Variants in LRP1B observed in about 807,000 individuals in gnomAD.
LRP1B encodes the protein LDL receptor related protein 1B, also known as low-density lipoprotein receptor-related protein 1B.
A neutral mutation model predicts 556.6 loss-of-function variants in LRP1B; 217 were observed. The observed-to-expected ratio is 0.39, with a 90% CI of 0.35 to 0.44. The LOEUF (loss-of-function observed/expected upper bound fraction) is 0.44. Among genes scored for constraint, LRP1B ranks in the 20% least tolerant of loss-of-function variants. The pLI is 1.00. For synonymous variants in LRP1B, 2,047 were observed against 1,865.8 expected, an observed-to-expected ratio of 1.10 and a Z score of -2.50; for missense variants, 5,053 against 5,620.8, an observed-to-expected ratio of 0.90 and a Z score of 3.23.
intron 41 of LRP1B, among the ~76,000 whole-genome samples, chr2:140,679,198 G>C (rs559058457): frequency 2.0e-5 from 3 of 152,284 alleles, no homozygotes; most frequent in East Asian, 3.9e-4. Flanking sequence ...TATTAGATTA[G>C]AGTCCACCCA....
intron 7 of LRP1B, among the ~76,000 whole-genome samples, chr2:141,102,382 A>T (rs1366293531): frequency 6.6e-6 from 1 of 152,132 alleles, no homozygotes; most frequent in Non-Finnish European, 1.5e-5. Flanking sequence ...TTTCGAGGTT[A>T]ACCCTCATTG....
At chr2:140,486,634 T>C (rs1384665756) in intron 58 of LRP1B, among the ~76,000 whole-genome samples, 2 of 151,868 alleles carry the variant, frequency 1.3e-5, no homozygotes, top group African/African-American at 4.8e-5. Flanking sequence ...TGTATTGTAA[T>C]GAAATATATG....
chr2:141,303,502 A>T (rs1457234157), intron 3 of LRP1B, among the ~76,000 whole-genome samples: 1 of 152,122 alleles, frequency 6.6e-6, no homozygotes, highest in Non-Finnish European at 1.5e-5. Flanking sequence ...TGAAATAAAA[A>T]TTTTTAGCTT....
intron 2 of LRP1B, among the ~76,000 whole-genome samples, chr2:141,632,261 T>C (rs1193941311): frequency 6.6e-6 from 1 of 152,196 alleles, no homozygotes; most frequent in Non-Finnish European, 1.5e-5. Flanking sequence ...ATTTATCTAA[T>C]GTTTATAAAG....
chr2:141,101,705 G>C (rs1700466730), intron 7 of LRP1B, among the ~76,000 whole-genome samples: 1 of 152,022 alleles, frequency 6.6e-6, no homozygotes, highest in South Asian at 2.1e-4. Flanking sequence ...GCCTTTTTCA[G>C]GATCTTCATT....
Position 140,323,970 on chromosome 2 carries a change from C to G in LRP1B, c.12437G>C (p.Gly4146Ala), listed in dbSNP as rs1291313629. The change falls in exon 81 of 91, where the codon GGT (glycine) becomes GCT (alanine). Residue 4146 changes from glycine (G) to alanine (A), a missense_variant. Gly to Ala is a moderately conservative substitution (Grantham distance 60). This residue lies in a region of LRP1B where 551 missense variants were observed against 592.0 expected (regional missense o/e 0.93). Coordinates refer to ENST00000389484, the MANE Select transcript of LRP1B (RefSeq NM_018557.3). ...ATTTAAAGCTAAGTACTCTACTGAA[C>G]CATGGCCAAATTTTTGAACTCGAAA... ...GVFRVQKFGH[G>A]SVEYLALNID... is the part of the protein sequence containing the mutation. The G allele has an allele frequency of 6.2e-7, 1 of 1,605,942 alleles. No individual in the cohort carries two copies. The highest frequency in any genetic ancestry group is 8.5e-7 in the Non-Finnish European group (1 of 1,173,194).
chr2:142,008,143 T>C (rs764550906), intron 1 of LRP1B, among the ~76,000 whole-genome samples: 1 of 152,204 alleles, frequency 6.6e-6, no homozygotes, highest in Non-Finnish European at 1.5e-5. Context: ...TAAAGGTCCT[T>C]GTTAGGCTAC....
intron 1 of LRP1B, among the ~76,000 whole-genome samples, chr2:141,960,378 T>A (rs746098409): frequency 5.9e-5 from 9 of 151,886 alleles, no homozygotes; most frequent in Non-Finnish European, 1.2e-4. Context: ...CCATTTTGCT[T>A]TCACTTTGCT....
At chr2:141,001,362 G>T (rs1390156056) in intron 15 of LRP1B, among the ~76,000 whole-genome samples, 1 of 151,780 alleles carries the variant, frequency 6.6e-6, no homozygotes, top group Non-Finnish European at 1.5e-5. Context: ...GGGTACATGT[G>T]CACAACGTGC....
intron 29 of LRP1B, among the ~76,000 whole-genome samples, 188 bp from the exon 30 acceptor site, chr2:140,841,280 A>C (rs1210010226): frequency 1.3e-5 from 2 of 152,198 alleles, no homozygotes; most frequent in Non-Finnish European, 2.9e-5. Flanking sequence ...TTAATGTCTT[A>C]CTGCTGAGCT....
chr2:141,924,226 A>C (rs1340954577), intron 1 of LRP1B, among the ~76,000 whole-genome samples: 1 of 151,962 alleles, frequency 6.6e-6, no homozygotes, highest in Admixed American at 6.6e-5. Flanking sequence ...TAGCAGGGAA[A>C]GAGAGAAGAG....
At chr2:141,921,510 CA>C (rs1190524811) in intron 1 of LRP1B, among the ~76,000 whole-genome samples, 1 of 151,850 alleles carries the variant, frequency 6.6e-6, no homozygotes, top group Admixed American at 6.6e-5. Context: ...ATGAAAAAGA[CA>C]ATCTCTATGG....
chr2:141,761,327 GC>G (rs1448446384), intron 2 of LRP1B, among the ~76,000 whole-genome samples: 5 of 147,828 alleles, frequency 3.4e-5, no homozygotes, highest in African/African-American at 1.2e-4. Flanking sequence ...TTTATTTAAT[GC>G]CTCAGGAATT....
chr2:140,636,228 T>G (rs1684066355), intron 41 of LRP1B, among the ~76,000 whole-genome samples: 1 of 152,160 alleles, frequency 6.6e-6, no homozygotes, highest in Non-Finnish European at 1.5e-5. Flanking sequence ...TATTGATTCT[T>G]GTATAAAGCT....
At chr2:140,405,170 T>C (rs1684676816) in intron 66 of LRP1B, among the ~76,000 whole-genome samples, 1 of 152,144 alleles carries the variant, frequency 6.6e-6, no homozygotes, top group African/African-American at 2.4e-5. Context: ...AGATGAATGA[T>C]AATAGTGACA....
At chr2:141,573,864 C>T (rs1686630117) in intron 2 of LRP1B, among the ~76,000 whole-genome samples, 1 of 152,106 alleles carries the variant, frequency 6.6e-6, no homozygotes, top group African/African-American at 2.4e-5. Context: ...GGATGAATTG[C>T]TGGACAAATA....
chr2:141,654,971 A>G (rs1689947622), intron 2 of LRP1B, among the ~76,000 whole-genome samples: 1 of 152,008 alleles, frequency 6.6e-6, no homozygotes, highest in Non-Finnish European at 1.5e-5. Context: ...GGATTTTATT[A>G]CTCTGTAGTT....
At chr2:140,766,845 T>TATATATATATATATATATA (rs1689132423) in intron 35 of LRP1B, among the ~76,000 whole-genome samples, 1 of 42,070 alleles carries the variant, frequency 2.4e-5, no homozygotes, top group Non-Finnish European at 4.6e-5. Flanking sequence ...ATATATATAT[T>TATATATATATATATATATA]ATATATATAT....
chr2:140,406,732 G>A (rs890343698), intron 66 of LRP1B, among the ~76,000 whole-genome samples: 1 of 152,034 alleles, frequency 6.6e-6, no homozygotes, highest in African/African-American at 2.4e-5. Context: ...GTTCATGGAT[G>A]GAAAGAATGA....
Sources: gnomAD v4.1 joint callset for allele counts (sites outside exome capture counted in the v4.1 genomes callset) on GRCh38, gnomAD v4.1.1 for gene constraint, gnomAD v4.1.1 regional missense constraint, MANE v1.5 for transcripts, NCBI Gene and HGNC (gene_info 2026-07-23, HGNC 2026-07-21) for gene names.